The following RARB variants were observed in gnomAD, a reference collection of about 807,000 sequenced individuals.
RARB encodes HBV-activated protein.
In RARB, 17 loss-of-function variants were observed where a neutral mutation model predicts 51.9. The observed-to-expected ratio is 0.33, with a 90% confidence interval of 0.22 to 0.49. The LOEUF (loss-of-function observed/expected upper bound fraction) is 0.49, where lower values mean the gene tolerates loss of function less well. RARB is among the 20% of genes least tolerant of loss of function. The pLI is 0.99. For synonymous variants in RARB, 215 were observed against 195.4 expected (o/e 1.10, Z -0.84); for missense variants, 369 against 550.8 (o/e 0.67, Z 3.30).
chr3:25,084,245 T>G (rs1362132547), intron 3 of RARB, among the ~76,000 whole-genome samples: 7 of 152,188 alleles, frequency 4.6e-5, no homozygotes, highest in Non-Finnish European at 1.0e-4. Flanking sequence ...TGCCACAGTT[T>G]GGAATGCCTT....
chr3:25,561,951 GTCT>G (rs1259457186), intron 3 of RARB, among the ~76,000 whole-genome samples: 5 of 152,150 alleles, frequency 3.3e-5, no homozygotes, highest in African/African-American at 1.2e-4. Flanking sequence ...TTGAAAGGCA[GTCT>G]ATGCCTATTC....
intron 5 of RARB, among the ~76,000 whole-genome samples, chr3:25,176,346 C>CTTTCTTTCT (rs1575197603): frequency 2.1e-4 from 10 of 48,152 alleles, no homozygotes; most frequent in East Asian, 9.2e-4. Context: ...TCCTTCCTTC[C>CTTTCTTTCT]TTCCTTCCTT....
chr3:25,057,197 C>T (rs915732885), intron 2 of RARB, among the ~76,000 whole-genome samples: 2 of 151,990 alleles, frequency 1.3e-5, no homozygotes, highest in South Asian at 2.1e-4. Flanking sequence ...TTGCATTGAA[C>T]CCACAAACCA....
chr3:25,170,186 A>G (rs553662274), intron 4 of RARB, among the ~76,000 whole-genome samples: 1 of 152,258 alleles, frequency 6.6e-6, no homozygotes, highest in South Asian at 2.1e-4. Flanking sequence ...ATACAGCCAC[A>G]CCAAATCATT....
chr3:25,207,053 A>G (rs1320259170), intron 5 of RARB, among the ~76,000 whole-genome samples: 2 of 152,230 alleles, frequency 1.3e-5, no homozygotes, highest in Non-Finnish European at 1.5e-5. Context: ...TTAGAATCAC[A>G]GAATCATGAG....
At chr3:25,329,642 C>G (rs1027540504) in intron 5 of RARB, among the ~76,000 whole-genome samples, 5 of 152,140 alleles carry the variant, frequency 3.3e-5, no homozygotes, top group African/African-American at 1.2e-4. Context: ...AGCAATGGAA[C>G]AAAGCTGGAT....
chr3:25,352,387 A>G (rs1705600253), intron 5 of RARB: 1 of 152,190 alleles, frequency 6.6e-6, no homozygotes, highest in African/African-American at 2.4e-5. Flanking sequence ...TGGTATGGCC[A>G]TACACCAATC....
intron 3 of RARB, among the ~76,000 whole-genome samples, chr3:25,519,997 A>T (rs1153596): frequency 6.6e-6 from 1 of 152,052 alleles, no homozygotes; most frequent in African/African-American, 2.4e-5. Context: ...ATCAGGGGTC[A>T]GCCTATGAGC....
intron 3 of RARB, among the ~76,000 whole-genome samples, chr3:25,072,679 A>G (rs956537849): frequency 2.0e-5 from 3 of 151,996 alleles, no homozygotes; most frequent in African/African-American, 7.2e-5. Flanking sequence ...AATGGCTTCT[A>G]TCTACCTACA....
At chr3:24,889,084 A>G (rs534190648) in intron 2 of RARB, among the ~76,000 whole-genome samples, 7 of 152,342 alleles carry the variant, frequency 4.6e-5, no homozygotes, top group Admixed American at 6.5e-5. Flanking sequence ...AGAGCAATGC[A>G]CTGTCCCCTG....
At chr3:25,296,978 T>C (rs1303288738) in intron 5 of RARB, among the ~76,000 whole-genome samples, 1 of 152,180 alleles carries the variant, frequency 6.6e-6, no homozygotes, top group East Asian at 1.9e-4. Context: ...CTAGAGACTT[T>C]GAGTTTTGTG....
At chr3:25,197,249 G>T (rs1433191195) in intron 5 of RARB, among the ~76,000 whole-genome samples, 1 of 152,114 alleles carries the variant, frequency 6.6e-6, no homozygotes, top group Non-Finnish European at 1.5e-5. Context: ...TGTATAAGGT[G>T]TAAGGAAGGG....
intron 5 of RARB, among the ~76,000 whole-genome samples, chr3:25,216,602 G>T (rs1050956588): frequency 6.6e-6 from 1 of 151,974 alleles, no homozygotes; most frequent in Non-Finnish European, 1.5e-5. Flanking sequence ...GGGTTGTGAG[G>T]GGAAGGAACT....
At chr3:24,888,268 G>A (rs947868831) in intron 2 of RARB, among the ~76,000 whole-genome samples, 1 of 152,090 alleles carries the variant, frequency 6.6e-6, no homozygotes, top group Non-Finnish European at 1.5e-5. Context: ...ATAGTCCTTG[G>A]TGTGTGCTAA....
At chr3:25,073,688 C>T (rs751718532) in intron 3 of RARB, among the ~76,000 whole-genome samples, 6 of 152,092 alleles carry the variant, frequency 3.9e-5, no homozygotes, top group Non-Finnish European at 5.9e-5. Context: ...GCGTGTAATT[C>T]CTGTAAGTGA....
chr3:25,155,600 A>G lies in RARB; in HGVS notation c.-279-18519A>G, dbSNP rs1198017969. ...AGGAGCTAGTTAATTAAGTAGGTGGATTAAAAATATAATCTGGAGGAAGAA... is the reference window on the plus strand; with the variant it reads ...AGGAGCTAGTTAATTAAGTAGGTGGGTTAAAAATATAATCTGGAGGAAGAA... On this transcript the variant is annotated intron_variant, in intron 4 of 11. Coordinates refer to the RARB transcript ENST00000383772. 3.9e-5 allele frequency among the ~76,000 whole-genome samples: 6 copies of G among 152,252 alleles called. No homozygotes were observed. The South Asian group carries it at 1.2e-3, about 31-fold the overall frequency.
intron 2 of RARB, among the ~76,000 whole-genome samples, chr3:25,005,578 A>G (rs1002834158): frequency 6.6e-6 from 1 of 152,196 alleles, no homozygotes; most frequent in Non-Finnish European, 1.5e-5. Flanking sequence ...CTTAAGAGAT[A>G]GCAAGATGGA....
intron 1 of RARB, among the ~76,000 whole-genome samples, chr3:24,839,960 A>T (rs1241423576): frequency 6.6e-6 from 1 of 152,178 alleles, no homozygotes; most frequent in Non-Finnish European, 1.5e-5. Context: ...GGAGCAGGGG[A>T]TTGGATGGTA....
intron 5 of RARB, among the ~76,000 whole-genome samples, chr3:25,199,978 G>A (rs1199186300): frequency 1.3e-5 from 2 of 152,168 alleles, no homozygotes; most frequent in African/African-American, 4.8e-5. Flanking sequence ...GGATGGCTGG[G>A]TCAAATGGGA....
Sources: allele counts gnomAD v4.1 joint callset (sites outside exome capture counted in the v4.1 genomes callset), GRCh38; gene constraint gnomAD v4.1.1; transcripts MANE v1.5; gene names NCBI Gene and HGNC (gene_info 2026-07-23, HGNC 2026-07-21).